CNTLN: variants seen among roughly 807,000 people sequenced by gnomAD.
CNTLN encodes centlein.
CNTLN carries 212 observed loss-of-function variants against 180.0 expected under a neutral mutation model. The observed-to-expected ratio is 1.18, with a 90% CI of 1.05 to 1.32. The LOEUF is 1.32. Among genes scored for constraint, CNTLN ranks in the 40% most tolerant of loss-of-function variants. The pLI, the probability that CNTLN is intolerant of heterozygous loss-of-function variation, is 0.00. For missense variants in CNTLN, 2,095 were observed against 1,610.9 expected, an observed-to-expected ratio of 1.30 and a Z score of -5.14; for synonymous variants, 722 against 563.1, an observed-to-expected ratio of 1.28 and a Z score of -3.99.
At chr9:17,236,703 A>G in intron 5 of CNTLN, 115 bp downstream of exon 5, 1 of 741,548 alleles carries the variant, frequency 1.3e-6, no homozygotes, top group East Asian at 2.8e-5. Context: ...AGTGGGGACT[A>G]GCATTAATTT....
chr9:17,464,650 T>C, intron 21 of CNTLN, 27 bp downstream of exon 21: 1 of 1,322,368 alleles, frequency 7.6e-7, no homozygotes, highest in Non-Finnish European at 1.0e-6. Flanking sequence ...TTACTGACAC[T>C]AAAAATATCA....
intron 5 of CNTLN, among the ~76,000 whole-genome samples, chr9:17,246,191 C>T (rs1232765300): frequency 6.6e-6 from 1 of 152,050 alleles, no homozygotes; most frequent in East Asian, 1.9e-4. Flanking sequence ...GAGGGCTTTC[C>T]TAGTATTCGA....
At chr9:17,448,270 A>C (rs1013433529) in intron 18 of CNTLN, 21 of 154,768 alleles carry the variant, frequency 1.4e-4, no homozygotes, top group African/African-American at 4.8e-4. Context: ...CTGGATGAAG[A>C]AATTTTTCAC....
At chr9:17,527,578 G>A in the CNTLN span, among the ~76,000 whole-genome samples, 1 of 152,156 alleles carries the variant, frequency 6.6e-6, no homozygotes, top group East Asian at 1.9e-4. Flanking sequence ...GGTACTTACA[G>A]ATAAGCAAGG....
intron 18 of CNTLN, among the ~76,000 whole-genome samples, chr9:17,433,020 C>CTAA (rs1829513283): frequency 9.8e-6 from 1 of 102,332 alleles, no homozygotes. Flanking sequence ...GACTCTGTCT[C>CTAA]AAAAAAAAAA....
intron 2 of CNTLN, among the ~76,000 whole-genome samples, chr9:17,213,688 T>G (rs2131987992): frequency 6.6e-6 from 1 of 152,254 alleles, no homozygotes; most frequent in African/African-American, 2.4e-5. Flanking sequence ...TGTGTGGGAG[T>G]CTAAGTCTCT....
intron 5 of CNTLN, among the ~76,000 whole-genome samples, chr9:17,269,081 A>G (rs1827740548): frequency 6.6e-6 from 1 of 151,910 alleles, no homozygotes; most frequent in Non-Finnish European, 1.5e-5. Context: ...AGTGAGATGA[A>G]CCCGGTACCT....
intron 5 of CNTLN, among the ~76,000 whole-genome samples, chr9:17,257,878 C>T: frequency 7.1e-6 from 1 of 141,356 alleles, no homozygotes; most frequent in African/African-American, 2.7e-5. Flanking sequence ...TGGATATTAG[C>T]CCTTTGTCAG....
chr9:17,272,946 A>G (rs755027601), intron 5 of CNTLN, among the ~76,000 whole-genome samples: 1 of 151,376 alleles, frequency 6.6e-6, no homozygotes, highest in African/African-American at 2.4e-5. Flanking sequence ...TCCTCCATCT[A>G]GTTGTTTATA....
rs746428804 is a variant in CNTLN at position 17,409,346 on chromosome 9, C to T, written c.2669C>T (p.Thr890Ile). Reference sequence around the variant, plus strand: ...ACTTTGGGAACAATTATTGTAGAAACATCCCAGAAAATAAGTCCTACGGAA... The same window carrying T: ...ACTTTGGGAACAATTATTGTAGAAATATCCCAGAAAATAAGTCCTACGGAA... ...SQTLGTIIVE[T>I]SQKISPTEDG... Residue 890 changes from threonine to isoleucine, a missense_variant, in exon 16 of 26, where the codon ACA becomes ATA. Coordinates refer to ENST00000380647, the MANE Select transcript of CNTLN (RefSeq NM_017738.4). 6.2e-7 allele frequency: 1 copy of T among 1,613,264 alleles called. No homozygotes were observed. Among genetic ancestry groups the T allele is most frequent in the Non-Finnish European group, 8.5e-7 (1 of 1,179,648 alleles).
At chr9:17,391,814 A>T (rs1259969348) in intron 14 of CNTLN, among the ~76,000 whole-genome samples, 1 of 152,156 alleles carries the variant, frequency 6.6e-6, no homozygotes, top group Non-Finnish European at 1.5e-5. Context: ...TAAATTGTTT[A>T]CTACTTACTG....
intron 5 of CNTLN, among the ~76,000 whole-genome samples, chr9:17,238,825 G>A (rs924756206): frequency 6.6e-6 from 1 of 151,944 alleles, no homozygotes; most frequent in Non-Finnish European, 1.5e-5. Context: ...TTTCTCTTGG[G>A]TATATACTTA....
chr9:17,368,428 C>T (rs910164921), intron 13 of CNTLN, among the ~76,000 whole-genome samples: 1 of 152,108 alleles, frequency 6.6e-6, no homozygotes, highest in Non-Finnish European at 1.5e-5. Context: ...ATCCTGCTAC[C>T]CTGAAGGGAA....
chr9:17,456,580 C>T (rs531310811), intron 18 of CNTLN, among the ~76,000 whole-genome samples: 1 of 152,120 alleles, frequency 6.6e-6, no homozygotes, highest in Non-Finnish European at 1.5e-5. Context: ...TCATGTTTAT[C>T]TTACTGTACA....
At chr9:17,264,697 G>A (rs923227767) in intron 5 of CNTLN, among the ~76,000 whole-genome samples, 9 of 140,442 alleles carry the variant, frequency 6.4e-5, no homozygotes, top group Non-Finnish European at 1.4e-4. Flanking sequence ...TCTTCCATTT[G>A]TATCCTCTTT....
chr9:17,274,396 GA>G (rs1261665516), intron 6 of CNTLN, among the ~76,000 whole-genome samples: 1 of 151,856 alleles, frequency 6.6e-6, no homozygotes, highest in African/African-American at 2.4e-5. Context: ...ACCTTTTCCA[GA>G]AAATAGTATG....
rs186551034 is a variant in CNTLN, at chr9:17,187,728, A to G, written c.450-38475A>G. Reference sequence around the variant, plus strand: ...TTTATTGTTATGTTATTGTTTTGATATTTATAGAGTGTCATATTTTTACTG... The same window carrying G: ...TTTATTGTTATGTTATTGTTTTGATGTTTATAGAGTGTCATATTTTTACTG... On this transcript the variant is annotated intron_variant, in intron 2 of 25. Coordinates refer to ENST00000380647, the MANE Select transcript of CNTLN (RefSeq NM_017738.4). Among the ~76,000 whole-genome samples, 832 of 151,560 alleles carry G rather than the reference A, an allele frequency of 5.5e-3. 6 individuals are homozygous for G. The highest frequency in any genetic ancestry group is 8.2e-3 in the Admixed American group (124 of 15,214).
chr9:17,488,352 A>T (rs1832989720), intron 25 of CNTLN, among the ~76,000 whole-genome samples: 1 of 152,142 alleles, frequency 6.6e-6, no homozygotes. Context: ...TTTCTTAATC[A>T]TGTGGTACTC....
chr9:17,464,561 C>A lies in CNTLN; in HGVS notation c.3469C>A (p.Gln1157Lys). 1 of 1,513,002 alleles carries A rather than the reference C, an allele frequency of 6.6e-7. No homozygotes were observed. The highest frequency in any genetic ancestry group is 1.3e-5 in the South Asian group (1 of 77,220). 93.7% of individuals were successfully genotyped at this position (1,513,002 alleles called of 1,614,324 possible). The change falls in exon 21 of 26, where the codon CAG (glutamine) becomes AAG (lysine). Residue 1157 changes from glutamine to lysine, a missense_variant. Coordinates refer to ENST00000380647, the MANE Select transcript of CNTLN (RefSeq NM_017738.4). ...RHLIEDLKFR[Q>K]KVNLESNKSF... Reference sequence around the variant, plus strand: ...TTTGATAGAGGACTTGAAATTTCGACAGAAAGTAAATTTGGAAAGTAACAA... The same window carrying A: ...TTTGATAGAGGACTTGAAATTTCGAAAGAAAGTAAATTTGGAAAGTAACAA...
Sources: gnomAD v4.1 joint callset for allele counts (sites outside exome capture counted in the v4.1 genomes callset) on GRCh38, gnomAD v4.1.1 for gene constraint, MANE v1.5 for transcripts, NCBI Gene and HGNC (gene_info 2026-07-23, HGNC 2026-07-21) for gene names.